TANC2: variants seen among roughly 807,000 people sequenced by gnomAD.
TANC2 encodes the protein protein TANC2.
Under a neutral mutation model 210.5 loss-of-function variants are expected in TANC2, and 26 were observed. The observed-to-expected ratio is 0.12, with a 90% CI of 0.09 to 0.17. The LOEUF (loss-of-function observed/expected upper bound fraction) is 0.17, where lower values mean the gene tolerates loss of function less well. Among genes scored for constraint, TANC2 ranks in the 10% least tolerant of loss-of-function variants. The pLI is 1.00. For synonymous variants in TANC2, 931 were observed against 967.1 expected (o/e 0.96, Z 0.69); for missense variants, 2,129 against 2,608.9 (o/e 0.82, Z 4.01).
At chr17:63,205,727 G>A (rs1346016550) in intron 7 of TANC2, among the ~76,000 whole-genome samples, 1 of 152,032 alleles carries the variant, frequency 6.6e-6, no homozygotes, top group Admixed American at 6.6e-5. Context: ...GACCAGCCTG[G>A]CCAACATAGC....
chr17:62,995,452 A>G (rs1405964583), intron 1 of TANC2, among the ~76,000 whole-genome samples: 1 of 152,208 alleles, frequency 6.6e-6, no homozygotes, highest in East Asian at 1.9e-4. Context: ...AATGGGGAAC[A>G]AGGTTGGTGG....
At chr17:63,221,435 T>G (rs942461430) in intron 7 of TANC2, among the ~76,000 whole-genome samples, 2 of 97,606 alleles carry the variant, frequency 2.0e-5, no homozygotes, top group Non-Finnish European at 3.7e-5. Flanking sequence ...AGAGTGAGAC[T>G]CCATCTCAAA....
intron 2 of TANC2, among the ~76,000 whole-genome samples, chr17:63,012,192 T>A (rs547798382): frequency 3.4e-4 from 52 of 151,990 alleles, no homozygotes; most frequent in East Asian, 3.3e-3. Flanking sequence ...AATTTTTTTT[T>A]AAATTTTTTG....
intron 2 of TANC2, among the ~76,000 whole-genome samples, chr17:63,041,810 G>A (rs2035198723): frequency 6.6e-6 from 1 of 152,160 alleles, no homozygotes; most frequent in Non-Finnish European, 1.5e-5. Flanking sequence ...ATGGAAAAGA[G>A]CTCTGAAGAG....
At chr17:63,130,703 G>A (rs2145216009) in intron 4 of TANC2, among the ~76,000 whole-genome samples, 1 of 151,998 alleles carries the variant, frequency 6.6e-6, no homozygotes. Context: ...GTTTTATTGT[G>A]GTTATTACTA....
At chr17:62,994,348 AT>A (rs373819801) in intron 1 of TANC2, among the ~76,000 whole-genome samples, 294 of 137,102 alleles carry the variant, frequency 2.1e-3, no homozygotes, top group East Asian at 8.4e-3. Flanking sequence ...CACCTGGCTC[AT>A]TTTTTTTTTT....
intron 21 of TANC2, 137 bp downstream of exon 21, chr17:63,406,414 T>TC: frequency 8.4e-7 from 1 of 1,189,902 alleles, no homozygotes. Context: ...GGCTATCTCC[T>TC]CCCCTCTTGT....
intron 12 of TANC2, 23 bp downstream of exon 12, chr17:63,340,355 G>A (rs1340983029): frequency 5.0e-6 from 8 of 1,600,230 alleles, no homozygotes; most frequent in Non-Finnish European, 6.8e-6. Flanking sequence ...CCCAAAGGAG[G>A]GGAAAGATGG....
intron 8 of TANC2, among the ~76,000 whole-genome samples, chr17:63,248,603 A>G (rs371973795): frequency 3.9e-5 from 6 of 152,292 alleles, no homozygotes; most frequent in East Asian, 1.9e-4. Flanking sequence ...TTTCTCCCCA[A>G]TTTGGGAAGA....
At chr17:63,284,108 A>C (rs2044148021) in intron 9 of TANC2, among the ~76,000 whole-genome samples, 1 of 152,008 alleles carries the variant, frequency 6.6e-6, no homozygotes, top group African/African-American at 2.4e-5. Context: ...GATGTTCCAT[A>C]TCAGATTAAG....
chr17:63,421,117 G>T lies in TANC2; in HGVS notation c.5387G>T (p.Ser1796Ile). 1 of 1,613,942 alleles carries T rather than the reference G, an allele frequency of 6.2e-7. No individual in the cohort carries two copies. Among genetic ancestry groups the T allele is most frequent in the Non-Finnish European group, 8.5e-7 (1 of 1,179,878 alleles). ...GCATACCGAGGTGGCGTGAGATACA[G>T]CCAGACACCACAGATCGGACGCAGC... Residue 1796 changes from serine (S) to isoleucine (I), a missense_variant, in exon 28 of 28, where the codon AGC becomes ATC. Ser to Ile is a moderately radical substitution (Grantham distance 142). Coordinates refer to ENST00000689528, the Ensembl canonical transcript of TANC2. This position sits in a 1 kb window ranked among gnomAD's most constrained non-coding sequence, Gnocchi z 6.9.
intron 1 of TANC2, among the ~76,000 whole-genome samples, chr17:62,994,798 A>G (rs140843580): frequency 3.5e-4 from 54 of 152,318 alleles, no homozygotes; most frequent in African/African-American, 9.6e-4. Context: ...ACCTTTATCA[A>G]TAGAATCTGG....
chr17:63,049,871 C>G (rs531016995), intron 2 of TANC2, among the ~76,000 whole-genome samples: 1 of 152,142 alleles, frequency 6.6e-6, no homozygotes, highest in East Asian at 1.9e-4. Context: ...TAGCTGACAG[C>G]ATTTACTGTT....
chr17:63,247,688 GGGTAAAA>G (rs946211058), intron 8 of TANC2, among the ~76,000 whole-genome samples: 5 of 152,060 alleles, frequency 3.3e-5, no homozygotes, highest in Non-Finnish European at 5.9e-5. Context: ...CTTAAAGGAA[GGGTAAAA>G]GGTAAATATA....
chr17:63,362,442 C>T (rs1030471473), intron 14 of TANC2, among the ~76,000 whole-genome samples: 3 of 152,194 alleles, frequency 2.0e-5, no homozygotes, highest in Non-Finnish European at 4.4e-5. Flanking sequence ...GGGACCCACT[C>T]CTTTCCACCC....
At chr17:63,176,421 C>G (rs1368986188) in intron 5 of TANC2, among the ~76,000 whole-genome samples, 4 of 152,244 alleles carry the variant, frequency 2.6e-5, no homozygotes, top group Admixed American at 1.3e-4. Flanking sequence ...AATGAAAAAC[C>G]AGACTAGAAT....
intron 9 of TANC2, among the ~76,000 whole-genome samples, chr17:63,308,483 C>T (rs909272381): frequency 1.3e-5 from 2 of 152,160 alleles, no homozygotes; most frequent in African/African-American, 4.8e-5. Flanking sequence ...TCATCACTGC[C>T]TGTCACTCAA....
At chr17:63,333,076 C>A (rs886413633) in intron 11 of TANC2, among the ~76,000 whole-genome samples, 7 of 152,312 alleles carry the variant, frequency 4.6e-5, no homozygotes, top group African/African-American at 1.7e-4. Flanking sequence ...GTCATGTCTG[C>A]TAACACAACA....
At chr17:63,146,591 TG>T (rs2039470450) in intron 4 of TANC2, among the ~76,000 whole-genome samples, 1 of 152,198 alleles carries the variant, frequency 6.6e-6, no homozygotes, top group African/African-American at 2.4e-5. Flanking sequence ...TGCTTTCATT[TG>T]GTCTGCCTCC....
Sources: allele counts gnomAD v4.1 joint callset (sites outside exome capture counted in the v4.1 genomes callset), GRCh38; gene constraint gnomAD v4.1.1; non-coding constraint Gnocchi (gnomAD v3.1); transcripts MANE v1.5; gene names NCBI Gene and HGNC (gene_info 2026-07-23, HGNC 2026-07-21).